NLRP7: variants seen among roughly 807,000 people sequenced by gnomAD.
The protein encoded by NLRP7 is NLR family pyrin domain containing 7, also known as NACHT, LRR and PYD domains-containing protein 7.
Under a neutral mutation model 85.5 loss-of-function variants are expected in NLRP7, and 72 were observed. That is an observed-to-expected ratio of 0.84 (90% CI 0.70 to 1.02). NLRP7 has a LOEUF of 1.02. Ranked by LOEUF, NLRP7 falls within the 50% of genes least tolerant of loss-of-function variation. NLRP7 has a pLI of 0.00. For synonymous variants in NLRP7, 550 were observed against 505.2 expected (o/e 1.09, Z -1.19); for missense variants, 1,243 against 1,219.5 (o/e 1.02, Z -0.29).
chr19:54,952,864 C>T (rs935652858), intron 1 of NLRP7, among the ~76,000 whole-genome samples: 2 of 151,858 alleles, frequency 1.3e-5, no homozygotes, highest in African/African-American at 4.8e-5. Flanking sequence ...CCAAAAAAAA[C>T]AAAAATGACA....
At chr19:54,956,171 A>G (rs1208721902) in intron 1 of NLRP7, among the ~76,000 whole-genome samples, 1 of 151,654 alleles carries the variant, frequency 6.6e-6, no homozygotes, top group African/African-American at 2.4e-5. Flanking sequence ...AGGGAAGGGA[A>G]GGAGGGAAAG....
intron 1 of NLRP7, among the ~76,000 whole-genome samples, chr19:54,962,879 G>A (rs913184069): frequency 4.6e-5 from 7 of 152,138 alleles, no homozygotes; most frequent in South Asian, 2.1e-4. Flanking sequence ...GATTACAGGC[G>A]TGAGGCACCA....
At chr19:54,927,700 T>C (rs1349221789) in intron 9 of NLRP7, 3 of 1,614,106 alleles carry the variant, frequency 1.9e-6, no homozygotes, top group African/African-American at 2.7e-5. Context: ...GGTCCAGAGT[T>C]TCAAGCTTCT....
upstream of NLRP7, chr19:54,947,575 C>T (rs535688635): frequency 6.0e-3 from 7,774 of 1,289,652 alleles, 53 homozygotes; most frequent in Non-Finnish European, 6.6e-3. Context: ...ACAGCTTTCC[C>T]GCCCAGGGTG....
At chr19:54,946,121 G>A (rs1423314535) in intron 1 of NLRP7, among the ~76,000 whole-genome samples, 1 of 150,144 alleles carries the variant, frequency 6.7e-6, no homozygotes. Flanking sequence ...TGGCCAGGCT[G>A]GCCTCGAACT....
Position 54,937,830 on chromosome 19 carries a change from G to A in NLRP7, c.2129+214C>T, listed in dbSNP as rs104895536. Among the ~76,000 whole-genome samples, 4,806 of 148,062 alleles carry A rather than the reference G, an allele frequency of 0.032. 244 individuals carry two copies. The highest frequency in any genetic ancestry group is 0.11 in the African/African-American group (4,376 of 39,816). ...GAGAATTGCTTGAACCTGGGAGGTG[G>A]AGGATGCAGTGAGCTGAGATCGCGC... is the stretch of plus-strand genomic sequence containing the variant. On this transcript the variant is annotated intron_variant, in intron 5 of 9. Coordinates refer to ENST00000340844, the Ensembl canonical transcript of NLRP7.
chr19:54,940,385 T>C (rs1473138127), exon 4 of NLRP7: 1 of 1,614,154 alleles, frequency 6.2e-7, no homozygotes, highest in South Asian at 1.1e-5. Flanking sequence ...GTCATGGAAA[T>C]TGTCAATGTC....
At chr19:54,938,238 G>A in exon 5 of NLRP7, 1 of 1,613,770 alleles carries the variant, frequency 6.2e-7, no homozygotes, top group Non-Finnish European at 8.5e-7. Flanking sequence ...TTAGGTAAGT[G>A]CACCTGCAGG....
At chr19:54,952,467 G>A (rs1466360244), upstream of NLRP7, among the ~76,000 whole-genome samples, 1 of 151,934 alleles carries the variant, frequency 6.6e-6, no homozygotes. Flanking sequence ...GGTAGCGGGT[G>A]CCTGTAACCC....
rs148144586 is a variant in NLRP7 at position 54,959,850 on chromosome 19, G to A, written c.-77+6190C>T. Among the ~76,000 whole-genome samples the A allele has an allele frequency of 1.4e-4, 22 of 151,904 alleles. No homozygotes were observed. The East Asian group carries it at 3.9e-3, about 27-fold the overall frequency. ...TACCCAACTGCTCCGTTTTAGGTCC[G>A]CTCCTGAGCTTCTGTTGTTCCCAGC... On this transcript the variant is annotated intron_variant, in intron 1 of 2. Coordinates refer to the NLRP7 transcript ENST00000587103.
intron 8 of NLRP7, 100 bp downstream of exon 8, chr19:54,933,469 A>T: frequency 6.9e-7 from 1 of 1,454,078 alleles, no homozygotes. Flanking sequence ...AATTCTTACC[A>T]GGTTTTTAAA....
chr19:54,946,344 T>C (rs1046799425), intron 1 of NLRP7, among the ~76,000 whole-genome samples: 1 of 151,282 alleles, frequency 6.6e-6, no homozygotes, highest in African/African-American at 2.4e-5. Context: ...CCCGAGTAGC[T>C]GGGATTACAG....
chr19:54,936,141 T>G, intron 6 of NLRP7, 120 bp downstream of exon 6: 1 of 863,058 alleles, frequency 1.2e-6, no homozygotes, highest in South Asian at 1.4e-5. Flanking sequence ...CAGGCCTGTT[T>G]GAGGAATACA....
chr19:54,926,078 A>G (rs2146141018), intron 9 of NLRP7, among the ~76,000 whole-genome samples: 1 of 152,172 alleles, frequency 6.6e-6, no homozygotes, highest in African/African-American at 2.4e-5. Context: ...AAAATAAAAA[A>G]TACAAATAAG....
chr19:54,948,226 A>C (rs1409135756), upstream of NLRP7, among the ~76,000 whole-genome samples: 1 of 152,090 alleles, frequency 6.6e-6, no homozygotes, highest in Admixed American at 6.6e-5. Context: ...TCTACTAAAC[A>C]TACAAAAAAT....
intron 1 of NLRP7, among the ~76,000 whole-genome samples, chr19:54,944,890 T>G (rs1024516695): frequency 1.3e-5 from 2 of 152,126 alleles, no homozygotes; most frequent in Non-Finnish European, 2.9e-5. Context: ...TATCCACTGC[T>G]TCATATAGTT....
chr19:54,949,497 G>A (rs1000715189), upstream of NLRP7, among the ~76,000 whole-genome samples: 1 of 152,068 alleles, frequency 6.6e-6, no homozygotes, highest in African/African-American at 2.4e-5. Context: ...AAAACATTTG[G>A]CCTTTAGTCC....
chr19:54,930,115 C>CA (rs34446838), intron 9 of NLRP7, among the ~76,000 whole-genome samples: 2,454 of 100,424 alleles, frequency 0.024, 73 homozygotes, highest in African/African-American at 0.076. Context: ...GGCTCCGTCT[C>CA]AAAAAAAAAA....
Position 54,939,950 on chromosome 19 carries a change from T to A in NLRP7, c.869A>T (p.Lys290Met), listed in dbSNP as rs781310255. 1.1e-5 allele frequency: 17 copies of A among 1,613,998 alleles called. No individual in the cohort carries two copies. In the Admixed American group the frequency reaches 1.3e-4, roughly 13 times the overall value. Reference sequence around the variant, plus strand: ...CAGCAAGGCTGCCCTGGGTAACATCTTCCTCTTCAGCAAACTCCCCAGGAG... The same window carrying A: ...CAGCAAGGCTGCCCTGGGTAACATCATCCTCTTCAGCAAACTCCCCAGGAG... The change falls in exon 4 of 10, where the codon AAG becomes ATG. Residue 290 changes from lysine (K) to methionine (M), a missense_variant. Transcript: ENST00000340844.
Sources: allele counts gnomAD v4.1 joint callset (sites outside exome capture counted in the v4.1 genomes callset), GRCh38; gene constraint gnomAD v4.1.1; transcripts MANE v1.5; gene names NCBI Gene and HGNC (gene_info 2026-07-23, HGNC 2026-07-21).